The following OPCML variants were observed in gnomAD, a reference collection of about 807,000 sequenced individuals.
The protein encoded by OPCML is opioid-binding protein/cell adhesion molecule.
A neutral mutation model predicts 37.8 loss-of-function variants in OPCML; 13 were observed. That is an observed-to-expected ratio of 0.34 (90% confidence interval 0.22 to 0.55). The LOEUF is 0.55. Among genes scored for constraint, OPCML ranks in the 20% least tolerant of loss-of-function variants. The pLI is 0.91. For synonymous variants in OPCML, 176 were observed against 168.8 expected, an observed-to-expected ratio of 1.04 and a Z score of -0.33; for missense variants, 341 against 435.6, an observed-to-expected ratio of 0.78 and a Z score of 1.93.
At chr11:133,480,994 C>T (rs116104805) in intron 1 of OPCML, among the ~76,000 whole-genome samples, 2,145 of 152,306 alleles carry the variant, frequency 0.014, 43 homozygotes, top group African/African-American at 0.048. Flanking sequence ...TTTGTTCACA[C>T]TGAGTGGGGC....
intron 1 of OPCML, among the ~76,000 whole-genome samples, chr11:133,178,819 A>G (rs888534822): frequency 1.3e-5 from 2 of 152,244 alleles, no homozygotes; most frequent in Admixed American, 6.5e-5. Context: ...TGATTGCTCA[A>G]ATTCCAAAAT....
chr11:132,950,934 A>G (rs936185438), intron 1 of OPCML, among the ~76,000 whole-genome samples: 5 of 152,332 alleles, frequency 3.3e-5, no homozygotes, highest in Admixed American at 1.3e-4. Flanking sequence ...CTGACCCTCA[A>G]TGTGAGTCGA....
chr11:133,095,288 T>TG (rs1421488636), intron 1 of OPCML, among the ~76,000 whole-genome samples: 2 of 144,494 alleles, frequency 1.4e-5, no homozygotes, highest in Non-Finnish European at 3.0e-5. Context: ...TTTTTTTTTT[T>TG]TTTTTTTTTT....
rs186874116 is a variant in OPCML, at chr11:133,303,024, T to A, written c.61+229240A>T. 1.5e-3 allele frequency among the ~76,000 whole-genome samples: 229 copies of A among 152,282 alleles called. 2 individuals are homozygous for A. The highest frequency in any genetic ancestry group is 5.2e-3 in the African/African-American group (218 of 41,560). On this transcript the variant is annotated intron_variant, in intron 1 of 7. Coordinates refer to ENST00000524381, the MANE Select transcript of OPCML (RefSeq NM_001012393.5). Reference sequence around the variant, plus strand: ...TAACACTCTTCACGAACTAATTGTGTTTGGATATCGGTTATTGAGCAAAAT... The same window carrying A: ...TAACACTCTTCACGAACTAATTGTGATTGGATATCGGTTATTGAGCAAAAT...
At chr11:133,202,277 T>C (rs1938832442) in intron 1 of OPCML, among the ~76,000 whole-genome samples, 2 of 152,192 alleles carry the variant, frequency 1.3e-5, no homozygotes, top group Non-Finnish European at 2.9e-5. Flanking sequence ...CAGTCCTACC[T>C]GTCCGCCGAA....
intron 2 of OPCML, among the ~76,000 whole-genome samples, chr11:132,784,645 G>T (rs1365418243): frequency 6.6e-6 from 1 of 152,062 alleles, no homozygotes; most frequent in Non-Finnish European, 1.5e-5. Context: ...TGGGCCTGGT[G>T]CGAGGTGTCT....
intron 1 of OPCML, among the ~76,000 whole-genome samples, chr11:133,524,876 GC>G (rs1948460230): frequency 6.6e-6 from 1 of 152,212 alleles, no homozygotes; most frequent in African/African-American, 2.4e-5. Flanking sequence ...GGGCCTCAAT[GC>G]CTTTGAGGAC....
At chr11:132,715,053 GA>G (rs949775250) in intron 2 of OPCML, among the ~76,000 whole-genome samples, 33 of 152,172 alleles carry the variant, frequency 2.2e-4, no homozygotes, top group African/African-American at 8.0e-4. Flanking sequence ...ATGGGCAAGG[GA>G]GGGCAGGCAG....
intron 1 of OPCML, among the ~76,000 whole-genome samples, chr11:133,317,501 A>G (rs1284682208): frequency 6.6e-6 from 1 of 151,538 alleles, no homozygotes; most frequent in East Asian, 1.9e-4. Context: ...ATTGTCTTTT[A>G]TTTCCTTTTC....
intron 3 of OPCML, among the ~76,000 whole-genome samples, chr11:132,615,918 C>T (rs1938978478): frequency 6.6e-6 from 1 of 152,082 alleles, no homozygotes; most frequent in South Asian, 2.1e-4. Context: ...TGGCCAGGGC[C>T]AAAGCCACAA....
intron 1 of OPCML, among the ~76,000 whole-genome samples, chr11:132,964,676 C>T (rs897074558): frequency 8.5e-5 from 13 of 152,308 alleles, no homozygotes; most frequent in Admixed American, 2.6e-4. Flanking sequence ...CTCTGCCAAA[C>T]GTCCACTCCT....
intron 1 of OPCML, among the ~76,000 whole-genome samples, chr11:133,061,661 G>A (rs1436851603): frequency 1.3e-5 from 2 of 152,188 alleles, no homozygotes; most frequent in African/African-American, 4.8e-5. Context: ...CAAGGAACCT[G>A]ATTTTGAAAA....
At chr11:133,452,895 A>G (rs1946607096) in intron 1 of OPCML, among the ~76,000 whole-genome samples, 2 of 149,940 alleles carry the variant, frequency 1.3e-5, no homozygotes, top group Non-Finnish European at 2.9e-5. Context: ...TCTGCTACTC[A>G]TGACCAAAAC....
At chr11:132,830,467 AGC>A in intron 2 of OPCML, among the ~76,000 whole-genome samples, 1 of 152,346 alleles carries the variant, frequency 6.6e-6, no homozygotes. Context: ...TCACAGCATG[AGC>A]CCCTCCCTGC....
intron 1 of OPCML, among the ~76,000 whole-genome samples, chr11:133,162,984 T>C (rs372868414): frequency 6.6e-6 from 1 of 152,216 alleles, no homozygotes; most frequent in African/African-American, 2.4e-5. Context: ...TATGAAATGA[T>C]AAGAAAGGCT....
intron 3 of OPCML, among the ~76,000 whole-genome samples, chr11:132,601,086 A>G (rs1435476067): frequency 6.6e-6 from 1 of 152,180 alleles, no homozygotes; most frequent in African/African-American, 2.4e-5. Context: ...ATAACTGTCA[A>G]GTTGAACAGA....
intron 1 of OPCML, among the ~76,000 whole-genome samples, chr11:133,080,335 C>T (rs1006185246): frequency 3.3e-5 from 5 of 152,162 alleles, no homozygotes; most frequent in African/African-American, 1.2e-4. Context: ...TTTCAACAAG[C>T]TCTCATGACA....
intron 1 of OPCML, among the ~76,000 whole-genome samples, chr11:133,170,380 G>A (rs1950272590): frequency 6.6e-6 from 1 of 152,192 alleles, no homozygotes; most frequent in Non-Finnish European, 1.5e-5. Flanking sequence ...CAGCTACTCT[G>A]GAGGCTGAGG....
chr11:132,861,988 T>C lies in OPCML; in HGVS notation c.146+80938A>G, dbSNP rs573294933. On this transcript the variant is annotated intron_variant, in intron 2 of 7. Coordinates refer to ENST00000524381, the MANE Select transcript of OPCML (RefSeq NM_001012393.5). ...CTTTAAATCATTTCTTCGAGTTACA[T>C]TGTATTAATCTGAATATTCTCTTAA... Among the ~76,000 whole-genome samples, 9 of 152,324 alleles carry C rather than the reference T, an allele frequency of 5.9e-5. No individual in the cohort carries two copies. The South Asian group carries it at 8.3e-4, about 14-fold the overall frequency.
Sources: gnomAD v4.1 joint callset for allele counts (sites outside exome capture counted in the v4.1 genomes callset) on GRCh38, gnomAD v4.1.1 for gene constraint, MANE v1.5 for transcripts, NCBI Gene and HGNC (gene_info 2026-07-23, HGNC 2026-07-21) for gene names.